Variants in PLCB1 observed in about 807,000 individuals in gnomAD.
The protein encoded by PLCB1 is 1-phosphatidylinositol 4,5-bisphosphate phosphodiesterase beta-1.
A neutral mutation model predicts 161.8 loss-of-function variants in PLCB1; 46 were observed. The ratio of observed to expected loss-of-function variants is 0.28; its 90% confidence interval spans 0.22 to 0.36. The LOEUF (loss-of-function observed/expected upper bound fraction) is 0.36. Ranked by LOEUF, PLCB1 falls within the 10% of genes least tolerant of loss-of-function variation. PLCB1 has a pLI of 1.00. For synonymous variants in PLCB1, 517 were observed against 503.7 expected, an observed-to-expected ratio of 1.03 and a Z score of -0.35; for missense variants, 1,016 against 1,472.5, an observed-to-expected ratio of 0.69 and a Z score of 5.07.
At chr20:8,520,109 C>A (rs1568491743) in intron 3 of PLCB1, among the ~76,000 whole-genome samples, 1 of 152,226 alleles carries the variant, frequency 6.6e-6, no homozygotes, top group East Asian at 1.9e-4. Flanking sequence ...TAAGAAAAGT[C>A]CCTTTAGGGG....
chr20:8,681,473 C>A (rs1047190512), intron 9 of PLCB1, among the ~76,000 whole-genome samples: 1 of 152,112 alleles, frequency 6.6e-6, no homozygotes, highest in African/African-American at 2.4e-5. Flanking sequence ...AGTTGCTGAT[C>A]AAACCAAAGG....
intron 2 of PLCB1, among the ~76,000 whole-genome samples, chr20:8,239,838 G>A (rs1358914724): frequency 2.0e-5 from 3 of 151,932 alleles, no homozygotes; most frequent in African/African-American, 4.8e-5. Flanking sequence ...ACTGTAAAAT[G>A]GGTTTTTGTT....
chr20:8,812,429 T>A (rs1984871243), intron 31 of PLCB1, among the ~76,000 whole-genome samples: 1 of 151,006 alleles, frequency 6.6e-6, no homozygotes. Flanking sequence ...GAGCGGGGGC[T>A]GGTGTGAGCG....
intron 23 of PLCB1, 140 bp from the exon 24 acceptor site, chr20:8,756,906 C>A: frequency 1.3e-6 from 1 of 790,160 alleles, no homozygotes; most frequent in Non-Finnish European, 2.0e-6. Context: ...TTTAACCCTG[C>A]TTTCCAGGGA....
chr20:8,145,820 A>C (rs907417623), intron 1 of PLCB1, among the ~76,000 whole-genome samples: 1 of 152,224 alleles, frequency 6.6e-6, no homozygotes, highest in Non-Finnish European at 1.5e-5. Context: ...ACTATATTTA[A>C]TTTAATCCAC....
intron 2 of PLCB1, among the ~76,000 whole-genome samples, chr20:8,314,000 G>A (rs1018855033): frequency 4.6e-5 from 7 of 152,234 alleles, no homozygotes; most frequent in South Asian, 2.1e-4. Context: ...TGACTCTCCC[G>A]AAGTAGGCTT....
chr20:8,669,409 G>A (rs1311188596), intron 9 of PLCB1, among the ~76,000 whole-genome samples: 1 of 152,170 alleles, frequency 6.6e-6, no homozygotes, highest in Non-Finnish European at 1.5e-5. Context: ...TGAGGAAAGC[G>A]AGTCTTTGGA....
intron 31 of PLCB1, among the ~76,000 whole-genome samples, chr20:8,814,625 G>A (rs80035298): frequency 0.027 from 4,013 of 148,880 alleles, 169 homozygotes; most frequent in African/African-American, 0.097. Flanking sequence ...ATATTTAAAA[G>A]GCAGGTTTAC....
intron 2 of PLCB1, among the ~76,000 whole-genome samples, chr20:8,168,395 C>G (rs1411215475): frequency 6.6e-6 from 1 of 152,172 alleles, no homozygotes; most frequent in Non-Finnish European, 1.5e-5. Context: ...AAGTACCCCA[C>G]CTGGACAATT....
intron 31 of PLCB1, among the ~76,000 whole-genome samples, chr20:8,856,597 A>G (rs1987076607): frequency 1.3e-5 from 2 of 152,198 alleles, no homozygotes; most frequent in Admixed American, 1.3e-4. Flanking sequence ...AGCCTGGGCA[A>G]CAGAGCAAGA....
intron 2 of PLCB1, chr20:8,371,127 G>A (rs1986889856): frequency 4.8e-6 from 2 of 419,706 alleles, no homozygotes; most frequent in African/African-American, 2.0e-5. Context: ...ATTTAGGAAT[G>A]GCTTGTAGGA....
chr20:8,229,254 G>A (rs1441295283), intron 2 of PLCB1, among the ~76,000 whole-genome samples: 1 of 151,696 alleles, frequency 6.6e-6, no homozygotes, highest in Non-Finnish European at 1.5e-5. Context: ...AAAAACCCAG[G>A]CATGCAAAAT....
chr20:8,139,347 C>T (rs1355338803), intron 1 of PLCB1, among the ~76,000 whole-genome samples: 11 of 152,246 alleles, frequency 7.2e-5, no homozygotes, highest in Admixed American at 2.6e-4. Context: ...CTGCCCACCT[C>T]GGCCTCCCAA....
chr20:8,434,417 T>C (rs1443717373), intron 3 of PLCB1, among the ~76,000 whole-genome samples: 1 of 152,154 alleles, frequency 6.6e-6, no homozygotes, highest in African/African-American at 2.4e-5. Flanking sequence ...TGTAAGCATG[T>C]AAGGTCAAGA....
At chr20:8,182,020 C>T (rs1217861759) in intron 2 of PLCB1, among the ~76,000 whole-genome samples, 2 of 152,074 alleles carry the variant, frequency 1.3e-5, no homozygotes, top group Non-Finnish European at 2.9e-5. Context: ...GAGATTTCTC[C>T]AGTATATACC....
intron 2 of PLCB1, among the ~76,000 whole-genome samples, chr20:8,179,621 G>C (rs77267831): frequency 0.044 from 6,734 of 152,158 alleles, 194 homozygotes; most frequent in Middle Eastern, 0.13. Context: ...CTTTCTATCT[G>C]CATGTCTTTT....
At chr20:8,702,363 T>G (rs948672694) in intron 11 of PLCB1, among the ~76,000 whole-genome samples, 3 of 152,046 alleles carry the variant, frequency 2.0e-5, no homozygotes, top group African/African-American at 7.2e-5. Context: ...CCCAGGGTGG[T>G]TTTTCTCCCT....
intron 27 of PLCB1, among the ~76,000 whole-genome samples, chr20:8,779,640 A>C (rs973314498): frequency 1.3e-5 from 2 of 151,946 alleles, no homozygotes; most frequent in African/African-American, 4.8e-5. Context: ...AGACATGCAG[A>C]GTCTCAGGCC....
chr20:8,170,396 G>A (rs897965347), intron 2 of PLCB1, among the ~76,000 whole-genome samples: 2 of 151,834 alleles, frequency 1.3e-5, no homozygotes, highest in Admixed American at 6.6e-5. Context: ...AATATAACTC[G>A]AGTAATCAGT....
Sources: allele counts gnomAD v4.1 joint callset (sites outside exome capture counted in the v4.1 genomes callset), GRCh38; gene constraint gnomAD v4.1.1; transcripts MANE v1.5; gene names NCBI Gene and HGNC (gene_info 2026-07-23, HGNC 2026-07-21).